NFIB: variants seen among roughly 807,000 people sequenced by gnomAD.
NFIB encodes nuclear factor 1 B-type.
NFIB carries 11 observed loss-of-function variants against 61.5 expected under a neutral mutation model. The observed-to-expected ratio is 0.18, with a 90% CI of 0.11 to 0.30. NFIB has a LOEUF of 0.30. NFIB is among the 10% of genes least tolerant of loss of function. The probability of loss-of-function intolerance (pLI) is 1.00; values close to 1 mark genes in which losing one functional copy is unlikely to be tolerated. For missense variants in NFIB, 471 were observed against 608.9 expected, an observed-to-expected ratio of 0.77 and a Z score of 2.38; for synonymous variants, 260 against 216.5, an observed-to-expected ratio of 1.20 and a Z score of -1.76.
At chr9:14,383,980 C>T (rs939453121) in intron 1 of NFIB, among the ~76,000 whole-genome samples, 9 of 152,216 alleles carry the variant, frequency 5.9e-5, no homozygotes, top group African/African-American at 2.2e-4. Context: ...GTGGCCAAGG[C>T]CTTGCAGAGA....
At chr9:14,522,692 T>C in the NFIB span, among the ~76,000 whole-genome samples, 1 of 152,232 alleles carries the variant, frequency 6.6e-6, no homozygotes, top group Non-Finnish European at 1.5e-5. Flanking sequence ...ATGATGTTAC[T>C]TTGAGTCTCA....
intron 2 of NFIB, among the ~76,000 whole-genome samples, chr9:14,205,930 A>C (rs905625837): frequency 3.4e-4 from 51 of 148,588 alleles, no homozygotes; most frequent in Non-Finnish European, 6.9e-4. Flanking sequence ...TCACCTGAAA[A>C]ACACACACAC....
At chr9:14,193,660 C>T (rs140364082) in intron 2 of NFIB, among the ~76,000 whole-genome samples, 1 of 152,282 alleles carries the variant, frequency 6.6e-6, no homozygotes, top group East Asian at 1.9e-4. Context: ...CTAAAACACT[C>T]TACGAACAGG....
At chr9:14,221,849 C>G (rs1167984336) in intron 2 of NFIB, among the ~76,000 whole-genome samples, 1 of 152,196 alleles carries the variant, frequency 6.6e-6, no homozygotes, top group Non-Finnish European at 1.5e-5. Context: ...GCATAGTTGG[C>G]AAAGCTTAGA....
At chr9:14,188,936 G>T (rs2047656095) in intron 2 of NFIB, among the ~76,000 whole-genome samples, 1 of 152,186 alleles carries the variant, frequency 6.6e-6, no homozygotes, top group African/African-American at 2.4e-5. Context: ...ACATAATCAT[G>T]AAGGCAAATC....
chr9:14,203,369 T>C (rs77225165), intron 2 of NFIB, among the ~76,000 whole-genome samples: 3 of 152,182 alleles, frequency 2.0e-5, no homozygotes, highest in African/African-American at 7.2e-5. Context: ...ACCTAAAGTA[T>C]CTGCATAAAC....
intron 2 of NFIB, among the ~76,000 whole-genome samples, chr9:14,296,609 T>C (rs1231707663): frequency 6.6e-6 from 1 of 152,202 alleles, no homozygotes; most frequent in Non-Finnish European, 1.5e-5. Flanking sequence ...CTCACTCTTT[T>C]GCTGCATGTA....
chr9:14,134,726 A>G (rs1161955395), intron 6 of NFIB, among the ~76,000 whole-genome samples: 2 of 151,814 alleles, frequency 1.3e-5, no homozygotes, highest in African/African-American at 4.8e-5. Flanking sequence ...GCGAATCCCC[A>G]TCTCTACTAA....
chr9:14,417,780 T>G, the NFIB span, among the ~76,000 whole-genome samples: 1 of 141,070 alleles, frequency 7.1e-6, no homozygotes, highest in Non-Finnish European at 1.5e-5. Context: ...AACAGTTTTT[T>G]TTTTTTTTTT....
intron 2 of NFIB, among the ~76,000 whole-genome samples, chr9:14,227,494 A>G (rs1282351863): frequency 6.6e-6 from 1 of 152,220 alleles, no homozygotes; most frequent in East Asian, 1.9e-4. Context: ...AATATATCAT[A>G]CTATGGAGAA....
At chr9:14,242,087 CAT>C (rs1296360073) in intron 2 of NFIB, among the ~76,000 whole-genome samples, 2 of 152,186 alleles carry the variant, frequency 1.3e-5, no homozygotes, top group African/African-American at 2.4e-5. Flanking sequence ...ACAGAGTCCA[CAT>C]GTCTATCAGA....
chr9:14,283,881 CTT>C (rs2058541568), intron 2 of NFIB, among the ~76,000 whole-genome samples: 1 of 152,168 alleles, frequency 6.6e-6, no homozygotes, highest in Non-Finnish European at 1.5e-5. Context: ...ACAATTATTT[CTT>C]TGTCTAGGTA....
At chr9:14,115,514 T>C (rs1271334675) in intron 9 of NFIB, among the ~76,000 whole-genome samples, 1 of 152,182 alleles carries the variant, frequency 6.6e-6, no homozygotes, top group Non-Finnish European at 1.5e-5. Context: ...TATTGGTACG[T>C]GTTAGGAAGG....
At chr9:14,328,249 T>C (rs1424890843) in intron 1 of NFIB, among the ~76,000 whole-genome samples, 1 of 152,122 alleles carries the variant, frequency 6.6e-6, no homozygotes, top group Admixed American at 6.5e-5. Context: ...ACCCAAGGGA[T>C]CCTCCCACCT....
At chr9:14,526,070 G>A in the NFIB span, among the ~76,000 whole-genome samples, 10 of 152,218 alleles carry the variant, frequency 6.6e-5, no homozygotes, top group East Asian at 3.9e-4. Context: ...TCTACCAGCC[G>A]TGAGAGGAGC....
At chr9:14,154,939 A>C (rs2043232927) in intron 4 of NFIB, among the ~76,000 whole-genome samples, 1 of 152,134 alleles carries the variant, frequency 6.6e-6, no homozygotes, top group Admixed American at 6.6e-5. Context: ...ATTCTTATTC[A>C]TGACCTCTAA....
At chr9:14,481,197 GTATATATATATATATA>G in the NFIB span, among the ~76,000 whole-genome samples, 8,825 of 46,016 alleles carry the variant, frequency 0.19, 1,301 homozygotes, top group South Asian at 0.31. Flanking sequence ...GTGTGTGTGT[GTATATATATATATATA>G]TATATATATA....
intron 2 of NFIB, among the ~76,000 whole-genome samples, chr9:14,222,394 T>C (rs1234115305): frequency 6.6e-6 from 1 of 152,100 alleles, no homozygotes; most frequent in Non-Finnish European, 1.5e-5. Context: ...GATTCCAGGC[T>C]CAGGTTACCT....
At chr9:14,344,094 G>A (rs1382704377) in intron 1 of NFIB, among the ~76,000 whole-genome samples, 2 of 137,968 alleles carry the variant, frequency 1.4e-5, no homozygotes, top group African/African-American at 3.3e-5. Flanking sequence ...TAAAGAGAGG[G>A]AGAGAGAGAG....
Sources: gnomAD v4.1 joint callset for allele counts (sites outside exome capture counted in the v4.1 genomes callset) on GRCh38, gnomAD v4.1.1 for gene constraint, MANE v1.5 for transcripts, NCBI Gene and HGNC (gene_info 2026-07-23, HGNC 2026-07-21) for gene names.